CENPP: variants seen among roughly 807,000 people sequenced by gnomAD.
CENPP encodes the protein centromere protein P.
A neutral mutation model predicts 35.6 loss-of-function variants in CENPP; 24 were observed. The ratio of observed to expected loss-of-function variants is 0.67; its 90% CI spans 0.49 to 0.95. The LOEUF (loss-of-function observed/expected upper bound fraction) is 0.95. Ranked by LOEUF, CENPP falls within the 40% of genes least tolerant of loss-of-function variation. The probability of loss-of-function intolerance (pLI) is 0.00; values close to 1 mark genes in which losing one functional copy is unlikely to be tolerated. For synonymous variants in CENPP, 120 were observed against 125.5 expected, an observed-to-expected ratio of 0.96 and a Z score of 0.29; for missense variants, 332 against 345.3, an observed-to-expected ratio of 0.96 and a Z score of 0.31.
At chr9:92,391,678 G>T (rs1227538475) in intron 5 of CENPP, among the ~76,000 whole-genome samples, 2 of 152,084 alleles carry the variant, frequency 1.3e-5, no homozygotes, top group Admixed American at 1.3e-4. Flanking sequence ...TGAAAAACAT[G>T]TCGTTAAATA....
intron 1 of CENPP, among the ~76,000 whole-genome samples, chr9:92,330,262 G>A (rs1309875574): frequency 6.6e-6 from 1 of 152,176 alleles, no homozygotes; most frequent in African/African-American, 2.4e-5. Flanking sequence ...GTAATTTAGA[G>A]GAAAAGCAGA....
At chr9:92,409,574 A>G (rs574119878) in intron 5 of CENPP, among the ~76,000 whole-genome samples, 1 of 152,322 alleles carries the variant, frequency 6.6e-6, no homozygotes, top group South Asian at 2.1e-4. Flanking sequence ...CTCAACCAGT[A>G]TTATTGTGAA....
chr9:92,430,174 C>G lies in CENPP; in HGVS notation c.564+50315C>G, dbSNP rs117097161. Among the ~76,000 whole-genome samples, 9 of 152,210 alleles carry G rather than the reference C, an allele frequency of 5.9e-5. No homozygotes were observed. The East Asian group carries it at 1.7e-3, about 29-fold the overall frequency. On this transcript the variant is annotated intron_variant, in intron 5 of 7. Coordinates refer to ENST00000375587, the MANE Select transcript of CENPP (RefSeq NM_001012267.3). ...ATCTTATAGTTGAGTTCTTTTTTCT[C>G]TTACTATGGATCTGGTTGAAAATCT...
chr9:92,415,474 A>G (rs1360638421), intron 5 of CENPP: 2 of 1,556,408 alleles, frequency 1.3e-6, no homozygotes, highest in African/African-American at 1.4e-5. Flanking sequence ...TGTAAGATTC[A>G]TCTCTGAAAG....
intron 4 of CENPP, among the ~76,000 whole-genome samples, chr9:92,356,722 T>G (rs1292495638): frequency 6.6e-6 from 1 of 152,264 alleles, no homozygotes; most frequent in Admixed American, 6.5e-5. Context: ...TGGGAACTGA[T>G]AAATGTCCAT....
At chr9:92,388,053 C>T (rs1373410660) in intron 5 of CENPP, among the ~76,000 whole-genome samples, 13 of 152,012 alleles carry the variant, frequency 8.6e-5, no homozygotes, top group African/African-American at 2.7e-4. Flanking sequence ...CATGAGCCAC[C>T]GTGCCTGGCC....
At chr9:92,512,889 C>G (rs1168782395) in intron 5 of CENPP, among the ~76,000 whole-genome samples, 3 of 152,068 alleles carry the variant, frequency 2.0e-5, no homozygotes, top group Non-Finnish European at 4.4e-5. Flanking sequence ...CAGAGCATAC[C>G]TGGTGTATAG....
At chr9:92,461,525 T>C (rs986723318) in intron 5 of CENPP, among the ~76,000 whole-genome samples, 1 of 152,206 alleles carries the variant, frequency 6.6e-6, no homozygotes, top group Non-Finnish European at 1.5e-5. Flanking sequence ...TTTGAGACAC[T>C]CCTTTTGTGG....
intron 5 of CENPP, among the ~76,000 whole-genome samples, chr9:92,551,783 C>T (rs1183211305): frequency 6.6e-6 from 1 of 151,594 alleles, no homozygotes. Flanking sequence ...TTTGGTTTTC[C>T]ATTCCTGAGT....
intron 5 of CENPP, among the ~76,000 whole-genome samples, chr9:92,510,818 C>T (rs999027782): frequency 7.2e-5 from 11 of 152,136 alleles, no homozygotes; most frequent in Admixed American, 6.5e-5. Context: ...AGGAAAAGGA[C>T]CCCCTAATGC....
chr9:92,352,510 C>CATATATATATATATATATAT (rs67070835), intron 4 of CENPP, among the ~76,000 whole-genome samples: 716 of 50,200 alleles, frequency 0.014, 50 homozygotes, highest in African/African-American at 0.021. Flanking sequence ...TGTGTGTATA[C>CATATATATATATATATATAT]ATATATATAT....
intron 5 of CENPP, among the ~76,000 whole-genome samples, chr9:92,552,721 G>A (rs750423293): frequency 3.2e-4 from 48 of 152,002 alleles, no homozygotes; most frequent in Non-Finnish European, 4.3e-4. Context: ...GTTTGAGTTC[G>A]TTGTAGATTC....
intron 5 of CENPP, among the ~76,000 whole-genome samples, chr9:92,411,157 A>G (rs1843434541): frequency 6.6e-6 from 1 of 151,984 alleles, no homozygotes; most frequent in African/African-American, 2.4e-5. Context: ...TATTTTTAGT[A>G]GAGACGGGGT....
At chr9:92,402,156 A>C (rs537908428) in intron 5 of CENPP, among the ~76,000 whole-genome samples, 1 of 152,338 alleles carries the variant, frequency 6.6e-6, no homozygotes, top group South Asian at 2.1e-4. Flanking sequence ...AAATCATCCA[A>C]GTGAGCCAAT....
At chr9:92,497,600 G>A (rs1418655956) in intron 5 of CENPP, among the ~76,000 whole-genome samples, 7 of 150,870 alleles carry the variant, frequency 4.6e-5, no homozygotes, top group Non-Finnish European at 2.9e-5. Context: ...CTTCTGCCTG[G>A]GCAACAAGAG....
At chr9:92,445,002 A>G (rs1373796193) in intron 5 of CENPP, among the ~76,000 whole-genome samples, 2 of 152,102 alleles carry the variant, frequency 1.3e-5, no homozygotes, top group Non-Finnish European at 2.9e-5. Context: ...CAGTTCCCCT[A>G]GGGCCAACGT....
intron 5 of CENPP, among the ~76,000 whole-genome samples, chr9:92,445,766 C>T (rs117491024): frequency 0.041 from 6,199 of 151,980 alleles, 199 homozygotes; most frequent in Non-Finnish European, 0.058. Context: ...CACCTGTAAT[C>T]CCAGCTACTT....
intron 5 of CENPP, chr9:92,457,361 C>G: frequency 6.2e-7 from 1 of 1,614,000 alleles, no homozygotes; most frequent in Non-Finnish European, 8.5e-7. Flanking sequence ...TTGCATTTCC[C>G]AGTATTTCAC....
chr9:92,483,860 A>T (rs946548856), intron 5 of CENPP, among the ~76,000 whole-genome samples: 1 of 152,214 alleles, frequency 6.6e-6, no homozygotes, highest in Non-Finnish European at 1.5e-5. Context: ...GCAGCTCGGT[A>T]GTCCCATTAG....
Sources: allele counts gnomAD v4.1 joint callset (sites outside exome capture counted in the v4.1 genomes callset), GRCh38; gene constraint gnomAD v4.1.1; transcripts MANE v1.5; gene names NCBI Gene and HGNC (gene_info 2026-07-23, HGNC 2026-07-21).